The following FAM83E variants were observed in gnomAD, a reference collection of about 807,000 sequenced individuals.
FAM83E encodes protein FAM83E.
Under a neutral mutation model 34.3 loss-of-function variants are expected in FAM83E, and 29 were observed. The observed-to-expected ratio is 0.85, with a 90% CI of 0.63 to 1.15. The LOEUF is 1.15. Among genes scored for constraint, FAM83E ranks in the 50% most tolerant of loss-of-function variants. The pLI is 0.00. For synonymous variants in FAM83E, 312 were observed against 311.6 expected (o/e 1.00, Z -0.01); for missense variants, 697 against 685.0 (o/e 1.02, Z -0.20).
rs560677158 is a variant in FAM83E, at chr19:48,614,249, G to T, written c.-877C>A. ...CGCTACAGGGGTCTCCATTACTATGGGACAGGTCTATGATCTTCACAGCCC... is the reference window on the plus strand; with the variant it reads ...CGCTACAGGGGTCTCCATTACTATGTGACAGGTCTATGATCTTCACAGCCC... On this transcript the variant is annotated 5_prime_UTR_variant, in exon 3 of 7. Coordinates refer to ENST00000263266, the MANE Select transcript of FAM83E (RefSeq NM_017708.4). 1.8e-4 allele frequency: 175 copies of T among 985,384 alleles called. 6 individuals carry two copies. The Admixed American group carries it at 0.011, about 60-fold the overall frequency. 61.0% of individuals were successfully genotyped at this position (985,384 alleles called of 1,614,324 possible).
At chr19:48,602,700 AAAAAATATAT>A (rs1282902540) in intron 6 of FAM83E, among the ~76,000 whole-genome samples, 5 of 43,950 alleles carry the variant, frequency 1.1e-4, no homozygotes, top group Non-Finnish European at 1.7e-4. Context: ...AAAAAAAAAA[AAAAAATATAT>A]ATATATATAT....
intron 5 of FAM83E, chr19:48,607,188 C>CT (rs1973947188): frequency 6.2e-7 from 1 of 1,613,146 alleles, no homozygotes; most frequent in Non-Finnish European, 8.5e-7. Context: ...GAGCCACCAG[C>CT]TGCGGCCTTG....
chr19:48,602,009 G>A (rs1288572007), intron 6 of FAM83E, among the ~76,000 whole-genome samples: 4 of 151,698 alleles, frequency 2.6e-5, no homozygotes, highest in African/African-American at 9.7e-5. Context: ...AGGCGTGGTG[G>A]CGTGGGTCTG....
intron 3 of FAM83E, among the ~76,000 whole-genome samples, chr19:48,611,445 G>A (rs1232189252): frequency 6.6e-6 from 1 of 152,014 alleles, no homozygotes; most frequent in African/African-American, 2.4e-5. Flanking sequence ...TAGGAGTACA[G>A]GAGTGAGCCA....
chr19:48,611,208 T>G (rs531786999), intron 3 of FAM83E, among the ~76,000 whole-genome samples: 13 of 151,180 alleles, frequency 8.6e-5, no homozygotes, highest in African/African-American at 3.1e-4. Flanking sequence ...TCACTCTGTC[T>G]CCCAGGCTGC....
At chr19:48,605,410 A>G (rs1383317361) in intron 5 of FAM83E, among the ~76,000 whole-genome samples, 1 of 152,134 alleles carries the variant, frequency 6.6e-6, no homozygotes, top group Non-Finnish European at 1.5e-5. Context: ...CCATCTCTAT[A>G]AAAAATTTTA....
chr19:48,604,310 C>T (rs987475278), intron 5 of FAM83E, among the ~76,000 whole-genome samples: 1 of 149,626 alleles, frequency 6.7e-6, no homozygotes, highest in African/African-American at 2.5e-5. Context: ...GGGAGGATCC[C>T]TTGACCCTGG....
At chr19:48,612,431 G>T (rs1303609322) in intron 3 of FAM83E, among the ~76,000 whole-genome samples, 1 of 150,368 alleles carries the variant, frequency 6.7e-6, no homozygotes, top group African/African-American at 2.5e-5. Context: ...TTGAGATGGA[G>T]TCTCGCTCTG....
rs372140655 is a variant in FAM83E at position 48,603,852 on chromosome 19, A to G, written c.818T>C (p.Ile273Thr). 1.2e-6 allele frequency: 2 copies of G among 1,608,698 alleles called. No homozygotes were observed. Among genetic ancestry groups the G allele is most frequent in the African/African-American group, 2.7e-5 (2 of 74,374 alleles). ...GAACTCAAGGCTGAAGGCGTCAACA[A>G]TTTCACCAGTCAGCAGGGTCACCAG... ...RGLVTLLTGE[I>T]VDAFSLEFRT... The change falls in exon 6 of 7, where the codon ATT becomes ACT. Residue 273 changes from isoleucine to threonine, a missense_variant. Transcript: ENST00000263266.
At position 48,614,360 on chromosome 19, in the gene FAM83E, C is replaced by A; in HGVS notation, c.-988G>T. 1 of 985,528 alleles carries A rather than the reference C, an allele frequency of 1.0e-6. No homozygotes were observed. Among genetic ancestry groups the A allele is most frequent in the African/African-American group, 1.7e-5 (1 of 57,348 alleles). 61.0% of individuals were successfully genotyped at this position (985,528 alleles called of 1,614,324 possible). On this transcript the variant is annotated 5_prime_UTR_variant, in exon 3 of 7. Transcript: ENST00000263266. Reference sequence around the variant, plus strand: ...GCCTGGCCCTGGGACCTGTTCCAGGCCGTCCTCTGATCTGCGGGGAGCCCT... The same window carrying A: ...GCCTGGCCCTGGGACCTGTTCCAGGACGTCCTCTGATCTGCGGGGAGCCCT...
chr19:48,603,551 G>A lies in FAM83E; in HGVS notation c.1119C>T (p.Ser373=). ...GGGACAGGCGGCTTAGGTCCCACATGGAGCGGCTGGGCCGGGCCGGGGGGC... is the reference window on the plus strand; with the variant it reads ...GGGACAGGCGGCTTAGGTCCCACATAGAGCGGCTGGGCCGGGCCGGGGGGC... ...PSGPPARPSR[S]MWDLSRLSQL... The change falls in exon 6 of 7, where the codon TCC becomes TCT. Residue 373 remains serine (S), a synonymous_variant. Coordinates refer to ENST00000263266, the MANE Select transcript of FAM83E (RefSeq NM_017708.4). 6.4e-7 allele frequency: 1 copy of A among 1,565,156 alleles called. No homozygotes were observed. The highest frequency in any genetic ancestry group is 8.6e-7 in the Non-Finnish European group (1 of 1,163,916).
In FAM83E at chr19:48,610,736, G is replaced by C; in HGVS notation, c.577C>G (p.Leu193Val). The C allele has an allele frequency of 6.3e-7, 1 of 1,587,000 alleles. No individual in the cohort carries two copies. The highest frequency in any genetic ancestry group is 8.6e-7 in the Non-Finnish European group (1 of 1,167,056). Residue 193 changes from leucine to valine, a missense_variant, in exon 4 of 7, where the codon CTG becomes GTG. Transcript: ENST00000263266. ...PVYLLLDRQQ[L>V]PAFLELAQQL... ...TGGGCCAGTTCCAGGAAGGCAGGCA[G>C]CTGCTGGCGGTCCAGGAGCAGGTAG...
At chr19:48,603,282 C>G (rs922311196) in intron 6 of FAM83E, among the ~76,000 whole-genome samples, 5 of 152,172 alleles carry the variant, frequency 3.3e-5, no homozygotes, top group African/African-American at 1.2e-4. Flanking sequence ...TCTCCTGTCT[C>G]TGCCCCATGC....
rs549085152 is a variant in FAM83E, at chr19:48,601,122, C to G, written c.1424G>C (p.Gly475Ala). ...TTGGGCTCCTGTTCAGGGTTGCCCC[C>G]CAAGTCCTGCCCGGGGGGCCCAGTC... is the stretch of plus-strand genomic sequence containing the variant. Reference protein sequence around the residue: ...PSDWAPRAGLGGQP With the variant: ...PSDWAPRAGLAGQP Residue 475 changes from glycine to alanine, a missense_variant, in exon 7 of 7, where the codon GGG (glycine) becomes GCG (alanine). Coordinates refer to ENST00000263266, the MANE Select transcript of FAM83E (RefSeq NM_017708.4). 4 of 1,611,820 alleles carry G rather than the reference C, an allele frequency of 2.5e-6. No individual in the cohort carries two copies. In the South Asian group the frequency reaches 3.3e-5, roughly 13 times the overall value.
rs780206616 is a variant in FAM83E at position 48,609,927 on chromosome 19, C to T, written c.707G>A (p.Arg236Gln). 1.4e-5 allele frequency: 22 copies of T among 1,612,954 alleles called. No homozygotes were observed. The highest frequency in any genetic ancestry group is 1.7e-5 in the Non-Finnish European group (20 of 1,179,982). ...GCCGTCCAGCAGCACAAACTTCTCC[C>T]GCACGGTGCCGCTCACCTGCCGTCG... ...RWRRQVSGTVREKFVLLDGER... is the reference protein window; with the variant it reads ...RWRRQVSGTVQEKFVLLDGER... Residue 236 changes from arginine (R) to glutamine (Q), a missense_variant, in exon 5 of 7, where the codon CGG (arginine) becomes CAG (glutamine). Transcript: ENST00000263266.
At chr19:48,601,467 A>G in intron 6 of FAM83E, 98 bp from the exon 7 acceptor site, 3 of 1,493,746 alleles carry the variant, frequency 2.0e-6, no homozygotes, top group Non-Finnish European at 8.9e-7. Context: ...AGAGAGAAGC[A>G]GCGAAAGTGA....
At chr19:48,611,981 G>T (rs928826194) in intron 3 of FAM83E, among the ~76,000 whole-genome samples, 2 of 152,154 alleles carry the variant, frequency 1.3e-5, no homozygotes, top group Non-Finnish European at 2.9e-5. Flanking sequence ...GGACACGGAG[G>T]TGCTGAAGGC....
In FAM83E at chr19:48,613,993, G is replaced by GTA. The variant is rs1568422918; in HGVS notation, c.-623_-622dup. On this transcript the variant is annotated 5_prime_UTR_variant, in exon 3 of 7. An upstream open reading frame in the 5' UTR loses its in-frame stop. Transcript: ENST00000263266. ...CAATGGCTTCCGACTGACAGTCACA[G>GTA]TATCTGCCTGTTGGAGCATCTGTCT... The GTA allele has an allele frequency of 1.0e-6, 1 of 985,278 alleles. No homozygotes were observed. The highest frequency in any genetic ancestry group is 1.7e-5 in the African/African-American group (1 of 57,210). 61.0% of individuals were successfully genotyped at this position (985,278 alleles called of 1,614,324 possible). A position where few individuals can be genotyped will look rare whatever the true frequency, so the allele number is the denominator to read the frequency against.
intron 5 of FAM83E, among the ~76,000 whole-genome samples, chr19:48,605,421 C>T (rs1973910594): frequency 6.6e-6 from 1 of 152,054 alleles, no homozygotes; most frequent in Non-Finnish European, 1.5e-5. Context: ...AAAAATTTTA[C>T]AAAATTAGCC....
Sources: gnomAD v4.1 joint callset for allele counts (sites outside exome capture counted in the v4.1 genomes callset) on GRCh38, gnomAD v4.1.1 for gene constraint, MANE v1.5 for transcripts, NCBI Gene and HGNC (gene_info 2026-07-23, HGNC 2026-07-21) for gene names.